Variants in AGO4 observed in about 807,000 individuals in gnomAD.
AGO4 encodes the protein argonaute RISC component 4, also known as protein argonaute-4.
Under a neutral mutation model 104.7 loss-of-function variants are expected in AGO4, and 33 were observed. The ratio of observed to expected loss-of-function variants is 0.32; its 90% CI spans 0.24 to 0.42. AGO4 has a LOEUF of 0.42. Ranked by LOEUF, AGO4 falls within the 10% of genes least tolerant of loss-of-function variation. The pLI is 1.00. For missense variants in AGO4, 711 were observed against 1,083.4 expected (o/e 0.66, Z 4.83); for synonymous variants, 331 against 364.7 (o/e 0.91, Z 1.05).
At chr1:35,847,889 T>G (rs1269876486) in intron 15 of AGO4, among the ~76,000 whole-genome samples, 4 of 152,164 alleles carry the variant, frequency 2.6e-5, no homozygotes, top group African/African-American at 9.7e-5. Context: ...TTATACACAT[T>G]TATGGGTTAC....
chr1:35,825,553 C>T (rs1263610456), intron 4 of AGO4, 59 bp downstream of exon 4: 3 of 1,561,994 alleles, frequency 1.9e-6, no homozygotes, highest in Non-Finnish European at 8.7e-7. Context: ...GTAGGTTGTA[C>T]TGGAGCCATT....
intron 2 of AGO4, among the ~76,000 whole-genome samples, chr1:35,818,581 G>A (rs933226043): frequency 1.3e-5 from 2 of 151,574 alleles, no homozygotes; most frequent in African/African-American, 2.4e-5. Flanking sequence ...TGGAGATCAT[G>A]CCGCTGCATT....
At chr1:35,820,508 C>T (rs1034907719) in intron 2 of AGO4, among the ~76,000 whole-genome samples, 8 of 151,974 alleles carry the variant, frequency 5.3e-5, no homozygotes, top group Non-Finnish European at 1.2e-4. Flanking sequence ...CAGGCATGCA[C>T]CACCACACCT....
chr1:35,846,030 C>T (rs1029431631), intron 15 of AGO4, among the ~76,000 whole-genome samples: 3 of 152,170 alleles, frequency 2.0e-5, no homozygotes, highest in Admixed American at 1.3e-4. Flanking sequence ...CAAGTCACCC[C>T]TGAGATAATT....
At chr1:35,822,457 T>G (rs1426643127) in intron 2 of AGO4, among the ~76,000 whole-genome samples, 1 of 151,716 alleles carries the variant, frequency 6.6e-6, no homozygotes, top group Admixed American at 6.6e-5. Flanking sequence ...TTTCACTGTG[T>G]TGGTCAGGCT....
At chr1:35,830,273 G>A (rs1053881132) in intron 7 of AGO4, among the ~76,000 whole-genome samples, 1 of 151,998 alleles carries the variant, frequency 6.6e-6, no homozygotes, top group Non-Finnish European at 1.5e-5. Flanking sequence ...TCAGATTCAT[G>A]TATTTGGTCT....
chr1:35,842,578 G>A (rs1056542626), intron 15 of AGO4, among the ~76,000 whole-genome samples: 3 of 152,192 alleles, frequency 2.0e-5, no homozygotes, highest in Admixed American at 1.3e-4. Context: ...TGAGGCGGGC[G>A]ATCACTTGAG....
chr1:35,848,715 T>A (rs1276914367), intron 15 of AGO4, among the ~76,000 whole-genome samples: 1 of 152,146 alleles, frequency 6.6e-6, no homozygotes, highest in East Asian at 1.9e-4. Flanking sequence ...TATACATGAC[T>A]AAATAAAGGT....
chr1:35,816,331 A>G (rs1643693148), intron 1 of AGO4, among the ~76,000 whole-genome samples: 1 of 152,228 alleles, frequency 6.6e-6, no homozygotes, highest in Admixed American at 6.6e-5. Flanking sequence ...GGAATTCATC[A>G]TTCTAATTTT....
At chr1:35,814,074 C>CAA (rs1210490285) in intron 1 of AGO4, among the ~76,000 whole-genome samples, 7 of 69,798 alleles carry the variant, frequency 1.0e-4, no homozygotes, top group East Asian at 8.1e-4. Context: ...GACTCCATCT[C>CAA]AAAAAAAAAA....
chr1:35,827,034 T>C lies in AGO4; in HGVS notation c.848+199T>C, dbSNP rs149704058. Among the ~76,000 whole-genome samples, 958 of 151,880 alleles carry C rather than the reference T, an allele frequency of 6.3e-3. 7 individuals are homozygous for C. Among genetic ancestry groups the C allele is most frequent in the African/African-American group, 0.022 (909 of 41,412 alleles). On this transcript the variant is annotated intron_variant, in intron 7 of 17. Coordinates refer to ENST00000373210, the MANE Select transcript of AGO4 (RefSeq NM_017629.4). ...GGCCAAGATGGTGAAACCCCATCTCTACTAAAAATACAAGAAAACTAGCTG... is the reference window on the plus strand; with the variant it reads ...GGCCAAGATGGTGAAACCCCATCTCCACTAAAAATACAAGAAAACTAGCTG...
intron 2 of AGO4, among the ~76,000 whole-genome samples, chr1:35,818,324 T>C (rs1435548877): frequency 6.6e-6 from 1 of 152,030 alleles, no homozygotes; most frequent in Non-Finnish European, 1.5e-5. Context: ...AGAAGCTTGG[T>C]GAGTTCAAGA....
intron 11 of AGO4, 126 bp downstream of exon 11, chr1:35,832,696 A>G: frequency 8.1e-7 from 1 of 1,234,618 alleles, no homozygotes; most frequent in Non-Finnish European, 1.1e-6. Context: ...ATCTGGCTAT[A>G]TGAAAAAGAC....
At chr1:35,813,634 A>G (rs1160973280) in intron 1 of AGO4, among the ~76,000 whole-genome samples, 3 of 151,396 alleles carry the variant, frequency 2.0e-5, no homozygotes, top group African/African-American at 7.3e-5. Flanking sequence ...GTGGTATCTC[A>G]GTTACTCTGG....
intron 1 of AGO4, among the ~76,000 whole-genome samples, chr1:35,811,202 A>T (rs751245649): frequency 2.0e-5 from 3 of 146,470 alleles, no homozygotes; most frequent in Non-Finnish European, 4.5e-5. Context: ...GGCTGGGCAC[A>T]GTGGCTCACG....
rs753886534 is a variant in AGO4 at position 35,825,442 on chromosome 1, G to A, written c.436G>A (p.Asp146Asn). 1.2e-6 allele frequency: 2 copies of A among 1,614,090 alleles called. No homozygotes were observed. The highest frequency in any genetic ancestry group is 1.7e-6 in the Non-Finnish European group (2 of 1,180,046). ...ALAGHLNEVP[D>N]DSVQALDVIT... The stretch of plus-strand genomic sequence containing the variant: ...GGCTGGGCACTTGAATGAAGTCCCA[G>A]ATGACTCAGTACAAGCACTTGATGT... The change falls in exon 4 of 18, where the codon GAT becomes AAT. Residue 146 changes from aspartate to asparagine, a missense_variant. Physicochemically the swap from Asp to Asn is conservative, Grantham distance 23. This residue lies in a region of AGO4 where 308 missense variants were observed against 397.8 expected (regional missense o/e 0.77). Transcript: ENST00000373210.
chr1:35,847,773 A>AT (rs1377972661), intron 15 of AGO4, among the ~76,000 whole-genome samples: 9 of 152,028 alleles, frequency 5.9e-5, no homozygotes, highest in African/African-American at 1.7e-4. Context: ...ATTGTTTTTA[A>AT]TTTTTTTCAT....
chr1:35,836,064 A>G (rs1644306039), intron 13 of AGO4, 71 bp downstream of exon 13: 2 of 1,481,704 alleles, frequency 1.3e-6, no homozygotes, highest in Non-Finnish European at 1.8e-6. Flanking sequence ...AAGCACACAA[A>G]TATTATATAT....
chr1:35,834,715 G>A (rs148935798), intron 12 of AGO4, among the ~76,000 whole-genome samples: 3 of 149,720 alleles, frequency 2.0e-5, no homozygotes, highest in African/African-American at 7.6e-5. Flanking sequence ...TTGTTGATGA[G>A]ACAGAATCTC....
Sources: allele counts gnomAD v4.1 joint callset (sites outside exome capture counted in the v4.1 genomes callset), GRCh38; gene constraint gnomAD v4.1.1; regional missense constraint gnomAD v4.1.1; transcripts MANE v1.5; gene names NCBI Gene and HGNC (gene_info 2026-07-23, HGNC 2026-07-21).